Variants in TAS2R1 observed in about 807,000 individuals in gnomAD.
The protein encoded by TAS2R1 is taste receptor type 2 member 1.
For missense variants in TAS2R1, 370 were observed against 353.4 expected (o/e 1.05, Z -0.38); for synonymous variants, 141 against 134.2 (o/e 1.05, Z -0.35).
chr5:9,690,517 G>T (rs940071079), intron 1 of TAS2R1, among the ~76,000 whole-genome samples: 2 of 152,046 alleles, frequency 1.3e-5, no homozygotes, highest in African/African-American at 4.8e-5. Flanking sequence ...AATTAAGCAC[G>T]CAACTCAGTT....
At chr5:9,801,172 C>A in the TAS2R1 span, among the ~76,000 whole-genome samples, 1 of 152,184 alleles carries the variant, frequency 6.6e-6, no homozygotes, top group South Asian at 2.1e-4. Flanking sequence ...GCCTGGGCGA[C>A]AAAGTGAGAG....
At chr5:9,701,499 A>AC (rs991423974) in intron 1 of TAS2R1, among the ~76,000 whole-genome samples, 7 of 152,284 alleles carry the variant, frequency 4.6e-5, no homozygotes, top group African/African-American at 1.7e-4. Flanking sequence ...CAGATATTGC[A>AC]CGTGCTTATA....
the TAS2R1 span, among the ~76,000 whole-genome samples, chr5:9,768,533 C>G: frequency 1.3e-5 from 2 of 152,282 alleles, no homozygotes; most frequent in East Asian, 3.9e-4. Flanking sequence ...AAACACTTCT[C>G]CTCCACCAGT....
chr5:9,774,759 T>C, the TAS2R1 span, among the ~76,000 whole-genome samples: 1 of 152,252 alleles, frequency 6.6e-6, no homozygotes, highest in South Asian at 2.1e-4. Flanking sequence ...CGGAGACTCT[T>C]GTTCTTTTCC....
chr5:9,874,274 T>C, the TAS2R1 span, among the ~76,000 whole-genome samples: 1 of 152,248 alleles, frequency 6.6e-6, no homozygotes, highest in Non-Finnish European at 1.5e-5. Context: ...ATTTCTGTGC[T>C]ACTTTGGTTT....
chr5:9,861,038 T>G, the TAS2R1 span, among the ~76,000 whole-genome samples: 7 of 44,144 alleles, frequency 1.6e-4, no homozygotes, highest in African/African-American at 6.4e-4. Flanking sequence ...GAAGATGAGG[T>G]TTTTTTTTTT....
At chr5:9,888,438 T>A in the TAS2R1 span, among the ~76,000 whole-genome samples, 1 of 152,198 alleles carries the variant, frequency 6.6e-6, no homozygotes, top group African/African-American at 2.4e-5. Flanking sequence ...CCCAAGCTCC[T>A]ACGAAATAAG....
intron 2 of TAS2R1, among the ~76,000 whole-genome samples, chr5:9,639,162 A>AT (rs1202116658): frequency 6.6e-6 from 1 of 151,930 alleles, no homozygotes; most frequent in African/African-American, 2.4e-5. Flanking sequence ...ACCATTACCA[A>AT]TTTCTGATGG....
At chr5:9,794,668 T>G in the TAS2R1 span, among the ~76,000 whole-genome samples, 1 of 152,256 alleles carries the variant, frequency 6.6e-6, no homozygotes, top group Non-Finnish European at 1.5e-5. Flanking sequence ...AAAATATCTT[T>G]ACTAAAATGT....
At chr5:9,697,284 G>T (rs930065208) in intron 1 of TAS2R1, among the ~76,000 whole-genome samples, 39 of 151,902 alleles carry the variant, frequency 2.6e-4, no homozygotes, top group African/African-American at 9.2e-4. Context: ...TTTTGTTCAC[G>T]TTCAAAATAC....
chr5:9,769,675 C>T, the TAS2R1 span, among the ~76,000 whole-genome samples: 2 of 152,020 alleles, frequency 1.3e-5, no homozygotes, highest in Non-Finnish European at 2.9e-5. Context: ...GATGTTGACC[C>T]CCTTTTCATA....
Position 9,665,568 on chromosome 5 carries a change from C to T in TAS2R1, c.-241-5987G>A, listed in dbSNP as rs182218700. 3.9e-4 allele frequency among the ~76,000 whole-genome samples: 59 copies of T among 152,332 alleles called. 1 individual carries two copies. The highest frequency in any genetic ancestry group is 3.1e-3 in the Admixed American group (48 of 15,310). On this transcript the variant is annotated intron_variant, in intron 1 of 2. Transcript: ENST00000506620. ...TGTCCTGCTTCCTCTCTAGGACACA[C>T]CTTAAACTAAAGCTGCAGATGTTGG...
the TAS2R1 span, among the ~76,000 whole-genome samples, chr5:9,811,881 T>C: frequency 6.6e-6 from 1 of 152,108 alleles, no homozygotes; most frequent in African/African-American, 2.4e-5. Flanking sequence ...TCCCTCAACC[T>C]TTCAACACAA....
chr5:9,831,826 T>C, the TAS2R1 span, among the ~76,000 whole-genome samples: 1 of 152,232 alleles, frequency 6.6e-6, no homozygotes, highest in Non-Finnish European at 1.5e-5. Flanking sequence ...GATTTTTATC[T>C]GAAAAGGTCG....
At chr5:9,775,937 C>T in the TAS2R1 span, among the ~76,000 whole-genome samples, 6 of 152,290 alleles carry the variant, frequency 3.9e-5, no homozygotes, top group African/African-American at 9.6e-5. Flanking sequence ...GTGGCACAAG[C>T]GCTCCCTTGG....
the TAS2R1 span, among the ~76,000 whole-genome samples, chr5:9,772,233 C>T: frequency 4.6e-5 from 7 of 151,962 alleles, no homozygotes; most frequent in Non-Finnish European, 1.0e-4. Context: ...AGACATTTTT[C>T]AATTTCCTTC....
chr5:9,834,265 C>T, the TAS2R1 span, among the ~76,000 whole-genome samples: 13 of 152,252 alleles, frequency 8.5e-5, no homozygotes, highest in Non-Finnish European at 1.5e-4. Context: ...CCAGAGTTTC[C>T]TCAACATCCT....
At chr5:9,779,755 G>T in the TAS2R1 span, among the ~76,000 whole-genome samples, 11 of 152,188 alleles carry the variant, frequency 7.2e-5, no homozygotes, top group African/African-American at 2.7e-4. Flanking sequence ...CATTGCAAGA[G>T]TTACCAAAAT....
chr5:9,718,378 C>A, the TAS2R1 span, among the ~76,000 whole-genome samples: 1 of 152,038 alleles, frequency 6.6e-6, no homozygotes, highest in African/African-American at 2.4e-5. Context: ...AATCAAGGAT[C>A]AAAAACCAAA....
Sources: gnomAD v4.1 joint callset for allele counts (sites outside exome capture counted in the v4.1 genomes callset) on GRCh38, gnomAD v4.1.1 for gene constraint, MANE v1.5 for transcripts, NCBI Gene and HGNC (gene_info 2026-07-23, HGNC 2026-07-21) for gene names.